The following ACOT7 variants were observed in gnomAD, a reference collection of about 807,000 sequenced individuals.
The protein encoded by ACOT7 is acyl-CoA thioesterase 7, also known as cytosolic acyl coenzyme A thioester hydrolase.
ACOT7 carries 12 observed loss-of-function variants against 40.2 expected under a neutral mutation model. That is an observed-to-expected ratio of 0.30 (90% CI 0.19 to 0.48). ACOT7 has a LOEUF of 0.48. Among genes scored for constraint, ACOT7 ranks in the 20% least tolerant of loss-of-function variants. The pLI is 0.99. For synonymous variants in ACOT7, 228 were observed against 219.5 expected (o/e 1.04, Z -0.34); for missense variants, 395 against 530.8 (o/e 0.74, Z 2.51).
At chr1:6,310,222 C>T (rs1015179092) in intron 6 of ACOT7, among the ~76,000 whole-genome samples, 1 of 152,166 alleles carries the variant, frequency 6.6e-6, no homozygotes, top group Non-Finnish European at 1.5e-5. Flanking sequence ...GTCAGGTGAG[C>T]TCACGGGAGA....
At chr1:6,348,320 A>C (rs958062632) in intron 2 of ACOT7, among the ~76,000 whole-genome samples, 1 of 151,346 alleles carries the variant, frequency 6.6e-6, no homozygotes, top group Non-Finnish European at 1.5e-5. Context: ...ATGCACACAC[A>C]CATGCATACG....
At chr1:6,280,993 C>G in intron 8 of ACOT7, 109 bp downstream of exon 8, 2 of 1,440,350 alleles carry the variant, frequency 1.4e-6, no homozygotes, top group Admixed American at 4.0e-5. Context: ...CTGACCCCTA[C>G]TGACAGGACA....
chr1:6,356,147 A>T (rs1215479436), intron 1 of ACOT7, among the ~76,000 whole-genome samples: 1 of 152,192 alleles, frequency 6.6e-6, no homozygotes, highest in Non-Finnish European at 1.5e-5. Context: ...GTGTCCTTAT[A>T]GGAACAGGGA....
chr1:6,312,069 T>C (rs61763896), intron 6 of ACOT7, among the ~76,000 whole-genome samples: 29,980 of 151,812 alleles, frequency 0.2, 6,242 homozygotes, highest in African/African-American at 0.53. Flanking sequence ...GACGGAGAAG[T>C]GAGAAGAGGG....
rs1639084531 is a variant in ACOT7, at chr1:6,273,159, G to A, written c.1014+7943C>T. 2.0e-5 allele frequency among the ~76,000 whole-genome samples: 3 copies of A among 152,278 alleles called. No individual in the cohort carries two copies. In the South Asian group the frequency reaches 6.2e-4, roughly 32 times the overall value. ...CTACCAGTGCCGCTCAGAAGGGCCA[G>A]TGTGTGGCTGTCTGGACACAGTGGA... On this transcript the variant is annotated intron_variant, in intron 8 of 8. Transcript: ENST00000361521.
At chr1:6,374,842 C>G (rs1642196456) in intron 1 of ACOT7, among the ~76,000 whole-genome samples, 1 of 152,198 alleles carries the variant, frequency 6.6e-6, no homozygotes, top group Non-Finnish European at 1.5e-5. Context: ...AGGGAACAAC[C>G]ACGTCAAGAG....
chr1:6,321,978 C>T (rs772698986), intron 5 of ACOT7, among the ~76,000 whole-genome samples: 9 of 152,230 alleles, frequency 5.9e-5, no homozygotes, highest in Non-Finnish European at 7.3e-5. Context: ...AAGGTGCCCT[C>T]GGCAATTGCA....
chr1:6,380,115 T>C (rs1049938652), intron 1 of ACOT7, among the ~76,000 whole-genome samples: 1 of 151,438 alleles, frequency 6.6e-6, no homozygotes, highest in Non-Finnish European at 1.5e-5. Flanking sequence ...ACATCGGAAA[T>C]AGCCAAACAA....
rs1639804240 is a variant in ACOT7, at chr1:6,296,125, G to A, written c.713-1145C>T. Reference sequence around the variant, plus strand: ...TGCCCAGGCTGGCCTCGAACTCCTGGACTGAAACGATCTGCCCACCTCACC... The same window carrying A: ...TGCCCAGGCTGGCCTCGAACTCCTGAACTGAAACGATCTGCCCACCTCACC... On this transcript the variant is annotated intron_variant, in intron 6 of 8. Coordinates refer to ENST00000361521, the MANE Select transcript of ACOT7 (RefSeq NM_007274.4). Among the ~76,000 whole-genome samples the A allele has an allele frequency of 1.3e-5, 2 of 151,938 alleles. 1 individual carries two copies. Among genetic ancestry groups the A allele is most frequent in the Admixed American group, 1.3e-4 (2 of 15,262 alleles).
At position 6,355,628 on chromosome 1, in the gene ACOT7, G is replaced by A. The variant is rs533879317; in HGVS notation, c.144-5762C>T. ...AAACTAGCTACTGGGCAGGGACCTCGGTGAGATGCCTGTGTCTTTTGGATG... is the reference window on the plus strand; with the variant it reads ...AAACTAGCTACTGGGCAGGGACCTCAGTGAGATGCCTGTGTCTTTTGGATG... On this transcript the variant is annotated intron_variant, in intron 1 of 8. Transcript: ENST00000361521. This position sits in a 1 kb window ranked among gnomAD's most constrained non-coding sequence, Gnocchi z 5.0. Among the ~76,000 whole-genome samples the A allele has an allele frequency of 1.4e-4, 22 of 152,304 alleles. No individual in the cohort carries two copies. The highest frequency in any genetic ancestry group is 3.3e-4 in the Admixed American group (5 of 15,300).
At chr1:6,269,309 T>C (rs1005721378) in intron 8 of ACOT7, among the ~76,000 whole-genome samples, 4 of 152,216 alleles carry the variant, frequency 2.6e-5, no homozygotes, top group Non-Finnish European at 4.4e-5. Flanking sequence ...GTGTCCACGA[T>C]GAACCAGGGT....
intron 1 of ACOT7, among the ~76,000 whole-genome samples, chr1:6,361,405 T>A (rs1415478419): frequency 6.6e-6 from 1 of 152,244 alleles, no homozygotes; most frequent in Non-Finnish European, 1.5e-5. Flanking sequence ...TAAATCGTGC[T>A]GGTGGCTGCA....
At chr1:6,353,935 C>T (rs1055503127) in intron 1 of ACOT7, among the ~76,000 whole-genome samples, 1 of 152,178 alleles carries the variant, frequency 6.6e-6, no homozygotes. Context: ...CCCCAAACAT[C>T]CCCCGCTCTA....
At chr1:6,340,021 A>G (rs1165451251) in intron 2 of ACOT7, among the ~76,000 whole-genome samples, 1 of 150,332 alleles carries the variant, frequency 6.7e-6, no homozygotes, top group Non-Finnish European at 1.5e-5. Context: ...GCTGGAGTGC[A>G]GTGGTGCGAT....
At chr1:6,333,108 C>T (rs75118720) in intron 4 of ACOT7, among the ~76,000 whole-genome samples, 4,192 of 152,290 alleles carry the variant, frequency 0.028, 208 homozygotes, top group African/African-American at 0.095. Flanking sequence ...ATCCTGTCAC[C>T]GTCTTTTCTC....
intron 6 of ACOT7, among the ~76,000 whole-genome samples, chr1:6,316,271 C>T (rs1337117344): frequency 7.9e-5 from 12 of 152,112 alleles, no homozygotes; most frequent in Admixed American, 7.2e-4. Flanking sequence ...CGAGGGAGGA[C>T]AGAGACATGG....
At position 6,356,790 on chromosome 1, in the gene ACOT7, G is replaced by T. The variant is rs1641756138; in HGVS notation, c.144-6924C>A. On this transcript the variant is annotated intron_variant, in intron 1 of 8. Transcript: ENST00000361521. ...AAAAAATAGCTGGGCGTGGTGGCAG[G>T]CTCCTATAATCCCAGCTACTTGGGA... Among the ~76,000 whole-genome samples the T allele has an allele frequency of 2.0e-5, 3 of 152,046 alleles. 1 individual carries two copies. In the South Asian group the frequency reaches 6.2e-4, roughly 32 times the overall value.
In ACOT7 at chr1:6,312,495, G is replaced by A. The variant is rs576817590; in HGVS notation, c.712+5997C>T. Among the ~76,000 whole-genome samples, 4 of 138,898 alleles carry A rather than the reference G, an allele frequency of 2.9e-5. No homozygotes were observed. The South Asian group carries it at 7.0e-4, about 24-fold the overall frequency. 91.1% of individuals were successfully genotyped at this position (138,898 alleles called of 152,430 possible). A position where few individuals can be genotyped will look rare whatever the true frequency, so the allele number is the denominator to read the frequency against. On this transcript the variant is annotated intron_variant, in intron 6 of 8. Coordinates refer to ENST00000361521, the MANE Select transcript of ACOT7 (RefSeq NM_007274.4). ...TTTCTTTATTTCGAGGCAGAGTCTC[G>A]CTCTGTCACCCAGGCTGGCTGGATT... is the stretch of plus-strand genomic sequence containing the variant.
At chr1:6,267,422 C>T (rs569749535) in intron 8 of ACOT7, among the ~76,000 whole-genome samples, 26 of 152,320 alleles carry the variant, frequency 1.7e-4, no homozygotes, top group Non-Finnish European at 3.1e-4. Context: ...AAGGCCAGGG[C>T]CCTGGAGAGG....
Sources: allele counts gnomAD v4.1 joint callset (sites outside exome capture counted in the v4.1 genomes callset), GRCh38; gene constraint gnomAD v4.1.1; non-coding constraint Gnocchi (gnomAD v3.1); transcripts MANE v1.5; gene names NCBI Gene and HGNC (gene_info 2026-07-23, HGNC 2026-07-21).